RASA3: variants seen among roughly 807,000 people sequenced by gnomAD.
RASA3 encodes RAS p21 protein activator 3.
RASA3 carries 73 observed loss-of-function variants against 110.0 expected under a neutral mutation model. The ratio of observed to expected loss-of-function variants is 0.66; its 90% CI spans 0.55 to 0.81. RASA3 has a LOEUF of 0.81. Ranked by LOEUF, RASA3 falls within the 30% of genes least tolerant of loss-of-function variation. The pLI is 0.00. For synonymous variants in RASA3, 500 were observed against 451.4 expected (o/e 1.11, Z -1.37); for missense variants, 976 against 1,113.2 (o/e 0.88, Z 1.75).
intron 1 of RASA3, among the ~76,000 whole-genome samples, chr13:114,131,826 G>T (rs1432236132): frequency 1.3e-4 from 20 of 150,482 alleles, no homozygotes; most frequent in Non-Finnish European, 4.4e-5. Flanking sequence ...ACCCACAAAC[G>T]CACGCGCACA....
At chr13:114,026,520 G>T (rs2054028436) in intron 7 of RASA3, among the ~76,000 whole-genome samples, 1 of 152,186 alleles carries the variant, frequency 6.6e-6, no homozygotes, top group Non-Finnish European at 1.5e-5. Flanking sequence ...CTGCCTGTGG[G>T]GCCCTTTCGA....
rs2079945452 is a variant in RASA3, at chr13:114,096,410, T to C, written c.56-22573A>G. On this transcript the variant is annotated intron_variant, in intron 1 of 23. Coordinates refer to ENST00000334062, the MANE Select transcript of RASA3 (RefSeq NM_007368.4). The surrounding 1 kb of genome is among the most constrained non-coding windows in gnomAD (Gnocchi z 5.1). ...TCTGCACGCCCGGCTCGGAACCCTG[T>C]GCATTGCCCATCTGTGAGCCGACCT... is the stretch of plus-strand genomic sequence containing the variant. 6.6e-6 allele frequency among the ~76,000 whole-genome samples: 1 copy of C among 152,118 alleles called. No individual in the cohort carries two copies. The highest frequency in any genetic ancestry group is 1.5e-5 in the Non-Finnish European group (1 of 67,986).
At chr13:114,039,950 C>G (rs1393865499) in intron 4 of RASA3, among the ~76,000 whole-genome samples, 1 of 152,250 alleles carries the variant, frequency 6.6e-6, no homozygotes, top group East Asian at 1.9e-4. Context: ...TCTTTCAGCT[C>G]AGACCCTTCT....
chr13:114,042,018 G>C (rs968983366), intron 3 of RASA3, among the ~76,000 whole-genome samples: 1 of 152,208 alleles, frequency 6.6e-6, no homozygotes, highest in Admixed American at 6.5e-5. Context: ...TAGTACTTTG[G>C]GGCTACGCTT....
In RASA3 at chr13:114,062,123, C is replaced by T. The variant is rs184797617; in HGVS notation, c.174-9968G>A. On this transcript the variant is annotated intron_variant, in intron 2 of 23. Transcript: ENST00000334062. The stretch of plus-strand genomic sequence containing the variant: ...TCTATAACCTACATCCAGCAAGACA[C>T]GATTTTCCACGATGAGTTGATTCGT... 3.3e-3 allele frequency among the ~76,000 whole-genome samples: 505 copies of T among 151,964 alleles called. 4 individuals are homozygous for T. The highest frequency in any genetic ancestry group is 0.014 in the South Asian group (69 of 4,816).
intron 16 of RASA3, among the ~76,000 whole-genome samples, chr13:114,010,830 A>AGGGGGCCGCGAGGGGAGGAGGGGGCT (rs1459535023): frequency 6.7e-6 from 1 of 149,124 alleles, no homozygotes; most frequent in Non-Finnish European, 1.5e-5. Context: ...CGTGACGAGG[A>AGGGGGCCGCGAGGGGAGGAGGGGGCT]GCCTCCAGCA....
At chr13:114,013,527 TCTCTGTCTCTCTCCCTCTCTTTGTCC>T (rs2053693461) in intron 14 of RASA3, among the ~76,000 whole-genome samples, 6 of 142,902 alleles carry the variant, frequency 4.2e-5, no homozygotes, top group Admixed American at 2.1e-4. Context: ...CTCTCTCATC[TCTCTGTCTCTCTCCCTCTCTTTGTCC>T]CTCTGTCTCT....
At chr13:114,054,396 C>A (rs1387584873) in intron 2 of RASA3, among the ~76,000 whole-genome samples, 1 of 152,090 alleles carries the variant, frequency 6.6e-6, no homozygotes, top group South Asian at 2.1e-4. Context: ...ACGGCACAGG[C>A]ATAAGCCCAA....
At chr13:114,132,373 G>A in intron 1 of RASA3, 62 bp downstream of exon 1, 1 of 1,419,782 alleles carries the variant, frequency 7.0e-7, no homozygotes. Flanking sequence ...AGGGGAGGCG[G>A]GCGCGGGAGA....
In RASA3 at chr13:114,115,381, G is replaced by A. The variant is rs1212721046; in HGVS notation, c.55+17054C>T. Among the ~76,000 whole-genome samples, 1 of 152,228 alleles carries A rather than the reference G, an allele frequency of 6.6e-6. No homozygotes were observed. The highest frequency in any genetic ancestry group is 2.4e-5 in the African/African-American group (1 of 41,458). On this transcript the variant is annotated intron_variant, in intron 1 of 23. Transcript: ENST00000334062. This position sits in a 1 kb window ranked among gnomAD's most constrained non-coding sequence, Gnocchi z 5.0. Reference sequence around the variant, plus strand: ...CGACCCTTGGCCCGGGCGAGGCCACGTGTCCCACAAAACATAAGGCTTGGG... The same window carrying A: ...CGACCCTTGGCCCGGGCGAGGCCACATGTCCCACAAAACATAAGGCTTGGG...
rs2052850208 is a variant in RASA3 at position 113,979,297 on chromosome 13, C to CG, written c.*49dup. 4 of 1,484,540 alleles carry CG rather than the reference C, an allele frequency of 2.7e-6. No homozygotes were observed. In the East Asian group the frequency reaches 9.0e-5, roughly 34 times the overall value. The allele number at this position is 1,484,540 out of a possible 1,614,324, so 92.0% of individuals were successfully genotyped here. A position where few individuals can be genotyped will look rare whatever the true frequency, so the allele number is the denominator to read the frequency against. On this transcript the variant is annotated 3_prime_UTR_variant, in exon 24 of 24. Coordinates refer to ENST00000334062, the MANE Select transcript of RASA3 (RefSeq NM_007368.4). The stretch of plus-strand genomic sequence containing the variant: ...CTTCTCTTCTCCCTCCCAAAGGCTG[C>CG]GGCTTTGCATGGGCAGCTTGCTGGC...
Position 114,071,609 on chromosome 13 carries a change from C to T in RASA3, c.173+2111G>A, listed in dbSNP as rs576433173. Among the ~76,000 whole-genome samples the T allele has an allele frequency of 2.0e-5, 3 of 152,350 alleles. No individual in the cohort carries two copies. The East Asian group carries it at 5.8e-4, about 29-fold the overall frequency. On this transcript the variant is annotated intron_variant, in intron 2 of 23. Transcript: ENST00000334062. ...AGTCATCGCCATGGCAACCCCAAGACACTCTCATAAAGCCAGACTGGGCGC... is the reference window on the plus strand; with the variant it reads ...AGTCATCGCCATGGCAACCCCAAGATACTCTCATAAAGCCAGACTGGGCGC...
chr13:113,982,001 A>G (rs547656206), intron 22 of RASA3, 143 bp from the exon 23 acceptor site: 6 of 712,482 alleles, frequency 8.4e-6, no homozygotes, highest in African/African-American at 1.8e-5. Context: ...CACCACTCGT[A>G]AACGCAGACG....
intron 14 of RASA3, among the ~76,000 whole-genome samples, chr13:114,013,900 C>CTG (rs199599898): frequency 0.55 from 63,801 of 116,114 alleles, 20,509 homozygotes; most frequent in African/African-American, 0.8. Context: ...CTCTTTTTCT[C>CTG]TCTTTCTCTG....
At chr13:114,123,132 G>A (rs1196426741) in intron 1 of RASA3, among the ~76,000 whole-genome samples, 2 of 152,242 alleles carry the variant, frequency 1.3e-5, no homozygotes, top group Non-Finnish European at 2.9e-5. Flanking sequence ...AGCCTCAGAG[G>A]AGGGGGGCCG....
intron 4 of RASA3, among the ~76,000 whole-genome samples, chr13:114,036,542 T>C (rs2054281573): frequency 6.6e-6 from 1 of 152,146 alleles, no homozygotes; most frequent in African/African-American, 2.4e-5. Flanking sequence ...TTTCTTCTTC[T>C]TCTTCTTTTT....
chr13:114,001,650 G>A (rs892915148), intron 18 of RASA3, among the ~76,000 whole-genome samples: 2 of 149,542 alleles, frequency 1.3e-5, no homozygotes, highest in South Asian at 2.1e-4. Flanking sequence ...ACAACACGGA[G>A]GACCTGCGGC....
chr13:114,004,099 G>A (rs1225490562), intron 18 of RASA3, among the ~76,000 whole-genome samples: 1 of 152,194 alleles, frequency 6.6e-6, no homozygotes, highest in Non-Finnish European at 1.5e-5. Context: ...TTAAATGAAG[G>A]TGATTTTAAG....
intron 4 of RASA3, among the ~76,000 whole-genome samples, chr13:114,039,018 C>T (rs980072213): frequency 3.9e-5 from 6 of 152,250 alleles, no homozygotes; most frequent in Non-Finnish European, 8.8e-5. Flanking sequence ...GAGTGGCACA[C>T]ACGCCATACC....
Sources: gnomAD v4.1 joint callset for allele counts (sites outside exome capture counted in the v4.1 genomes callset) on GRCh38, gnomAD v4.1.1 for gene constraint, Gnocchi (gnomAD v3.1) non-coding constraint, MANE v1.5 for transcripts, NCBI Gene and HGNC (gene_info 2026-07-23, HGNC 2026-07-21) for gene names.